The following STIM1 variants were observed in gnomAD, a reference collection of about 807,000 sequenced individuals.
STIM1 encodes the protein stromal interaction molecule 1.
Under a neutral mutation model 74.7 loss-of-function variants are expected in STIM1, and 25 were observed. The observed-to-expected ratio is 0.33, with a 90% CI of 0.24 to 0.47. The LOEUF (loss-of-function observed/expected upper bound fraction) is 0.47. STIM1 is among the 20% of genes least tolerant of loss of function. The pLI is 1.00. For missense variants in STIM1, 728 were observed against 920.8 expected (o/e 0.79, Z 2.71); for synonymous variants, 328 against 348.8 (o/e 0.94, Z 0.66).
At chr11:4,002,136 TG>T (rs2093723992) in intron 2 of STIM1, among the ~76,000 whole-genome samples, 1 of 143,238 alleles carries the variant, frequency 7.0e-6, no homozygotes, top group Non-Finnish European at 1.5e-5. Flanking sequence ...ACAATAATAA[TG>T]GGAGACTTTA....
chr11:3,982,218 G>C (rs559426168), intron 2 of STIM1, among the ~76,000 whole-genome samples: 1 of 151,336 alleles, frequency 6.6e-6, no homozygotes, highest in East Asian at 1.9e-4. Context: ...GTAGAGACGG[G>C]GTTTCGCCAT....
intron 7 of STIM1, among the ~76,000 whole-genome samples, chr11:4,076,722 C>CT (rs57222257): frequency 0.036 from 4,279 of 120,040 alleles, 180 homozygotes; most frequent in African/African-American, 0.11. Context: ...TCAGGAATCT[C>CT]TTTTTTTTTT....
intron 1 of STIM1, among the ~76,000 whole-genome samples, chr11:3,918,441 AG>A (rs754097112): frequency 2.3e-4 from 35 of 151,720 alleles, no homozygotes; most frequent in Non-Finnish European, 4.6e-4. Context: ...CTAGCTACTC[AG>A]GAGACTGAGC....
rs531201572 is a variant in STIM1 at position 4,062,026 on chromosome 11, T to A, written c.613+2630T>A. Among the ~76,000 whole-genome samples the A allele has an allele frequency of 6.5e-4, 99 of 152,252 alleles. 1 individual carries two copies. The highest frequency in any genetic ancestry group is 2.3e-3 in the African/African-American group (97 of 41,544). ...ACCGCTTACTGGTAAAAAATTTTAC[T>A]GTAGAGTGATGGAAATATTTTGGAA... On this transcript the variant is annotated intron_variant, in intron 5 of 12. Coordinates refer to ENST00000526596, the MANE Select transcript of STIM1 (RefSeq NM_001382567.1).
At position 4,015,663 on chromosome 11, in the gene STIM1, T is replaced by G. The variant is rs150121983; in HGVS notation, c.271-8210T>G. On this transcript the variant is annotated intron_variant, in intron 2 of 12. Coordinates refer to ENST00000526596, the MANE Select transcript of STIM1 (RefSeq NM_001382567.1). ...TTTTCTAACTTGGTTGCATTCTCCC[T>G]GTCACTTTCAGGTACACCAATCAGA... 8.1e-3 allele frequency among the ~76,000 whole-genome samples: 1,238 copies of G among 152,334 alleles called. 14 individuals carry two copies. The highest frequency in any genetic ancestry group is 0.028 in the African/African-American group (1,163 of 41,582).
chr11:3,891,776 A>G (rs994539848), intron 1 of STIM1, among the ~76,000 whole-genome samples: 3 of 152,264 alleles, frequency 2.0e-5, no homozygotes, highest in African/African-American at 7.2e-5. Flanking sequence ...CTAGATCAAG[A>G]TACATTTCTG....
At chr11:3,985,313 G>C (rs759283953) in intron 2 of STIM1, among the ~76,000 whole-genome samples, 2 of 152,114 alleles carry the variant, frequency 1.3e-5, no homozygotes, top group African/African-American at 2.4e-5. Flanking sequence ...CTATATATGT[G>C]TATATGTCTA....
chr11:3,917,241 G>C (rs1185432740), intron 1 of STIM1, among the ~76,000 whole-genome samples: 1 of 152,150 alleles, frequency 6.6e-6, no homozygotes, highest in Non-Finnish European at 1.5e-5. Context: ...TAGCAAGTCT[G>C]TACTGAGCCC....
At chr11:4,090,356 G>A (rs1325400673) in intron 12 of STIM1, among the ~76,000 whole-genome samples, 1 of 152,120 alleles carries the variant, frequency 6.6e-6, no homozygotes, top group Non-Finnish European at 1.5e-5. Flanking sequence ...GCTCTTTAAA[G>A]GCCAACATCC....
intron 1 of STIM1, among the ~76,000 whole-genome samples, chr11:3,917,753 G>A (rs1230614691): frequency 4.6e-5 from 7 of 152,100 alleles, no homozygotes; most frequent in African/African-American, 1.7e-4. Context: ...TTTTGAAGAT[G>A]AGCTGAGGTT....
At position 3,856,329 on chromosome 11, in the gene STIM1, G is replaced by T. The variant is rs2135170483; in HGVS notation, c.59G>T (p.Gly20Val). The T allele has an allele frequency of 6.2e-7, 1 of 1,614,196 alleles. No individual in the cohort carries two copies. Among genetic ancestry groups the T allele is most frequent in the East Asian group, 2.2e-5 (1 of 44,886 alleles). ...WLLWGLLLHQ[G>V]QSLSHSHSEK... ...CTCTGGGGACTCCTCCTGCACCAGG[G>T]CCAGAGCCTCAGCCATAGTCACAGT... The change falls in exon 1 of 13, where the codon GGC becomes GTC. Residue 20 changes from glycine (G) to valine (V), a missense_variant. Around this residue, in one of 5 missense-constraint regions of STIM1, gnomAD observed 62 missense variants for 55.5 expected, o/e 1.12. Transcript: ENST00000526596.
At chr11:4,014,313 T>C (rs899270884) in intron 2 of STIM1, among the ~76,000 whole-genome samples, 2 of 152,226 alleles carry the variant, frequency 1.3e-5, no homozygotes, top group African/African-American at 2.4e-5. Flanking sequence ...ATTTATCCAG[T>C]AGTCCTTCAG....
At position 3,877,570 on chromosome 11, in the gene STIM1, G is replaced by T. The variant is rs1295833256; in HGVS notation, c.139+21161G>T. Among the ~76,000 whole-genome samples the T allele has an allele frequency of 2.6e-5, 4 of 152,160 alleles. No individual in the cohort carries two copies. The East Asian group carries it at 7.7e-4, about 29-fold the overall frequency. On this transcript the variant is annotated intron_variant, in intron 1 of 12. Coordinates refer to ENST00000526596, the MANE Select transcript of STIM1 (RefSeq NM_001382567.1). ...AAAACGTGTACTCAGCTTGACTTCT[G>T]TTCCGGATCAGTTGTAAATTCTCAC...
intron 1 of STIM1, among the ~76,000 whole-genome samples, chr11:3,935,235 T>C (rs1329048691): frequency 6.6e-6 from 1 of 152,226 alleles, no homozygotes; most frequent in African/African-American, 2.4e-5. Flanking sequence ...TGAGATTGTG[T>C]ACCCTTAGCC....
At chr11:4,012,071 C>T (rs1022980032) in intron 2 of STIM1, among the ~76,000 whole-genome samples, 3 of 152,094 alleles carry the variant, frequency 2.0e-5, no homozygotes, top group Non-Finnish European at 2.9e-5. Context: ...CTGTTCTGTT[C>T]CATTGGTCGA....
At chr11:3,991,657 A>G (rs901720346) in intron 2 of STIM1, among the ~76,000 whole-genome samples, 4 of 151,918 alleles carry the variant, frequency 2.6e-5, no homozygotes, top group Non-Finnish European at 4.4e-5. Context: ...AGAAATCTCC[A>G]AACTGCTGTG....
chr11:4,091,441 TCTGGTGGAGAAACTGCCTGACAGCC>T lies in STIM1; in HGVS notation c.1798_1822del (p.Val600ProfsTer10). The T allele has an allele frequency of 6.2e-7, 1 of 1,614,194 alleles. No individual in the cohort carries two copies. The highest frequency in any genetic ancestry group is 8.5e-7 in the Non-Finnish European group (1 of 1,180,040). On this transcript the variant is annotated frameshift_variant, in exon 13 of 13. Transcript: ENST00000526596. LOFTEE classifies it high-confidence loss of function. ...TGATCGAGGGGGTCCACCCAGGGTC[TCTGGTGGAGAAACTGCCTGACAGCC>T]CTGCCCTGGCCAAGAAGGCATTACT...
intron 3 of STIM1, among the ~76,000 whole-genome samples, chr11:4,044,114 C>T (rs905819913): frequency 1.3e-5 from 2 of 149,410 alleles, no homozygotes; most frequent in African/African-American, 4.9e-5. Flanking sequence ...TTCTCTGATT[C>T]GGTGTAGCAT....
chr11:3,918,211 A>G (rs2092673591), intron 1 of STIM1, among the ~76,000 whole-genome samples: 1 of 152,102 alleles, frequency 6.6e-6, no homozygotes, highest in Non-Finnish European at 1.5e-5. Flanking sequence ...TATGCATCCT[A>G]ACAGCTTATT....
Sources: gnomAD v4.1 joint callset for allele counts (sites outside exome capture counted in the v4.1 genomes callset) on GRCh38, gnomAD v4.1.1 for gene constraint, gnomAD v4.1.1 regional missense constraint, MANE v1.5 for transcripts, NCBI Gene and HGNC (gene_info 2026-07-23, HGNC 2026-07-21) for gene names.